The following GLRB variants were observed in gnomAD, a reference collection of about 807,000 sequenced individuals.
The protein encoded by GLRB is glycine receptor beta.
A neutral mutation model predicts 54.2 loss-of-function variants in GLRB; 33 were observed. The ratio of observed to expected loss-of-function variants is 0.61; its 90% CI spans 0.46 to 0.81. The LOEUF is 0.81. GLRB is among the 40% of genes least tolerant of loss of function. The pLI is 0.00. For synonymous variants in GLRB, 209 were observed against 208.2 expected (o/e 1.00, Z -0.03); for missense variants, 572 against 584.6 (o/e 0.98, Z 0.22).
chr4:157,142,788 A>T (rs974059620), intron 7 of GLRB, among the ~76,000 whole-genome samples: 1 of 152,144 alleles, frequency 6.6e-6, no homozygotes, highest in Non-Finnish European at 1.5e-5. Flanking sequence ...ACAGAAAACG[A>T]TTATAGATAT....
At chr4:157,163,108 G>A (rs889020337) in intron 9 of GLRB, among the ~76,000 whole-genome samples, 1 of 152,316 alleles carries the variant, frequency 6.6e-6, no homozygotes. Flanking sequence ...AGTGAGCGAG[G>A]CTCCGTGGGC....
chr4:157,159,236 G>C (rs925469113), intron 9 of GLRB, among the ~76,000 whole-genome samples: 4 of 152,152 alleles, frequency 2.6e-5, no homozygotes, highest in African/African-American at 9.7e-5. Context: ...TTTGGGTTGA[G>C]ACAATGGGGT....
intron 4 of GLRB, 105 bp downstream of exon 4, chr4:157,122,502 C>A: frequency 2.1e-6 from 1 of 471,942 alleles, no homozygotes; most frequent in Non-Finnish European, 3.9e-6. Context: ...TAATCCATGC[C>A]CTTTCCTAGT....
At position 157,150,922 on chromosome 4, in the gene GLRB, C is replaced by A. The variant is rs541505779; in HGVS notation, c.905-1796C>A. 7.2e-4 allele frequency among the ~76,000 whole-genome samples: 109 copies of A among 152,050 alleles called. 2 individuals are homozygous for A. The highest frequency in any genetic ancestry group is 2.0e-3 in the African/African-American group (85 of 41,522). On this transcript the variant is annotated intron_variant, in intron 8 of 9. Transcript: ENST00000264428. Reference sequence around the variant, plus strand: ...CTCAGTCTATTTTGTATATCCACACCAAAGTAATGCTACTTAAGTATTCTT... The same window carrying A: ...CTCAGTCTATTTTGTATATCCACACAAAAGTAATGCTACTTAAGTATTCTT...
intron 7 of GLRB, among the ~76,000 whole-genome samples, chr4:157,139,856 T>G (rs1254534863): frequency 6.6e-6 from 1 of 152,060 alleles, no homozygotes; most frequent in Admixed American, 6.5e-5. Context: ...TATAGTATAA[T>G]TGTGTAAAAC....
At chr4:157,104,650 A>G (rs1293971902) in intron 2 of GLRB, among the ~76,000 whole-genome samples, 1 of 151,784 alleles carries the variant, frequency 6.6e-6, no homozygotes, top group Non-Finnish European at 1.5e-5. Flanking sequence ...TTCTTTAAAT[A>G]TTTGATTGAA....
At chr4:157,096,726 T>G (rs116671873) in intron 2 of GLRB, among the ~76,000 whole-genome samples, 5,927 of 152,286 alleles carry the variant, frequency 0.039, 157 homozygotes, top group Non-Finnish European at 0.065. Context: ...ACAGAGATAG[T>G]CTTCTTGTCT....
In GLRB at chr4:157,143,833, T is replaced by G; in HGVS notation, c.778T>G (p.Phe260Val). 1 of 1,613,744 alleles carries G rather than the reference T, an allele frequency of 6.2e-7. No individual in the cohort carries two copies. The highest frequency in any genetic ancestry group is 1.3e-5 in the African/African-American group (1 of 75,040). ...TGYYTCVEVI[F>V]TLRRQVGFYM... ...CTACTACACATGCGTGGAAGTCATC[T>G]TCACCCTGAGGAGGCAGGTCGGCTT... Residue 260 changes from phenylalanine (F) to valine (V), a missense_variant, in exon 8 of 10, where the codon TTC (phenylalanine) becomes GTC (valine). Phe to Val is a conservative substitution (Grantham distance 50). Coordinates refer to ENST00000264428, the MANE Select transcript of GLRB (RefSeq NM_000824.5).
chr4:157,079,621 T>C (rs994657808), intron 2 of GLRB, among the ~76,000 whole-genome samples: 1 of 152,174 alleles, frequency 6.6e-6, no homozygotes, highest in Non-Finnish European at 1.5e-5. Flanking sequence ...TATGTTTGTG[T>C]GTCCCTCCTT....
chr4:157,122,284 C>T (rs1735853719), intron 3 of GLRB, 46 bp from the exon 4 acceptor site: 1 of 766,268 alleles, frequency 1.3e-6, no homozygotes, highest in Admixed American at 2.1e-5. Flanking sequence ...TGATTCTGAC[C>T]AAGTTTTTTA....
At chr4:157,091,949 AAC>A (rs1207476218) in intron 2 of GLRB, among the ~76,000 whole-genome samples, 1 of 152,182 alleles carries the variant, frequency 6.6e-6, no homozygotes, top group African/African-American at 2.4e-5. Flanking sequence ...CCCTGCCATT[AAC>A]ACTATACAAA....
At chr4:157,163,075 C>T (rs942097888) in intron 9 of GLRB, among the ~76,000 whole-genome samples, 4 of 152,162 alleles carry the variant, frequency 2.6e-5, no homozygotes, top group Admixed American at 6.5e-5. Flanking sequence ...CCTCGCAGTT[C>T]GATCTCAGAC....
chr4:157,144,210 A>C (rs1429590261), intron 8 of GLRB, among the ~76,000 whole-genome samples: 5 of 152,214 alleles, frequency 3.3e-5, no homozygotes, highest in Admixed American at 3.3e-4. Flanking sequence ...TCTGTCATGA[A>C]ATAATTATTT....
At chr4:157,147,073 T>C (rs766527675) in intron 8 of GLRB, among the ~76,000 whole-genome samples, 1 of 152,182 alleles carries the variant, frequency 6.6e-6, no homozygotes, top group Non-Finnish European at 1.5e-5. Flanking sequence ...GGTTCCAATG[T>C]CAGTTAGGTG....
At chr4:157,129,062 G>A (rs778943238) in intron 4 of GLRB, among the ~76,000 whole-genome samples, 3 of 151,770 alleles carry the variant, frequency 2.0e-5, no homozygotes, top group Non-Finnish European at 4.4e-5. Context: ...AAACTTAACC[G>A]ATTATAGTGT....
In GLRB at chr4:157,170,648, C is replaced by T. The variant is rs570886685; in HGVS notation, c.1414C>T (p.Arg472Ter). 1.9e-6 allele frequency: 3 copies of T among 1,610,336 alleles called. No individual in the cohort carries two copies. The highest frequency in any genetic ancestry group is 2.5e-6 in the Non-Finnish European group (3 of 1,177,054). Residue 472 changes from arginine to a stop codon, truncating the protein, a stop_gained, in exon 10 of 10, where the codon CGA (arginine) becomes TGA (stop). Coordinates refer to ENST00000264428, the MANE Select transcript of GLRB (RefSeq NM_000824.5). LOFTEE classifies it high-confidence loss of function. ...ACCTGTTATTCCAACAGCAGCAAAG[C>T]GAATTGATCTTTATGCAAGAGCATT... ...AKPVIPTAAK[R>*]IDLYARALFP... is the part of the protein sequence containing the mutation.
chr4:157,119,606 T>C (rs559671302), intron 2 of GLRB, among the ~76,000 whole-genome samples: 6 of 151,786 alleles, frequency 4.0e-5, no homozygotes, highest in African/African-American at 1.4e-4. Context: ...TTAAAATATA[T>C]ATATTTTTAA....
chr4:157,100,816 A>G (rs1430821910), intron 2 of GLRB, among the ~76,000 whole-genome samples: 1 of 152,230 alleles, frequency 6.6e-6, no homozygotes, highest in African/African-American at 2.4e-5. Context: ...CTTAGCAAAT[A>G]CAAACTATGA....
intron 9 of GLRB, among the ~76,000 whole-genome samples, chr4:157,167,620 T>G (rs760757932): frequency 1.3e-5 from 2 of 152,200 alleles, no homozygotes; most frequent in African/African-American, 2.4e-5. Context: ...GTGTGTGCAT[T>G]TCCTGAAGTC....
Sources: allele counts gnomAD v4.1 joint callset (sites outside exome capture counted in the v4.1 genomes callset), GRCh38; gene constraint gnomAD v4.1.1; transcripts MANE v1.5; gene names NCBI Gene and HGNC (gene_info 2026-07-23, HGNC 2026-07-21).